SCT: variants seen among roughly 807,000 people sequenced by gnomAD.
SCT encodes secretin.
A neutral mutation model predicts 10.9 loss-of-function variants in SCT; 17 were observed. That is an observed-to-expected ratio of 1.55 (90% CI 1.06 to 2.33). The LOEUF (loss-of-function observed/expected upper bound fraction) is 2.33. Among genes scored for constraint, SCT ranks in the 30% most tolerant of loss-of-function variants. SCT has a pLI of 0.00. For synonymous variants in SCT, 96 were observed against 73.9 expected, an observed-to-expected ratio of 1.30 and a Z score of -1.54; for missense variants, 230 against 165.9, an observed-to-expected ratio of 1.39 and a Z score of -2.12.
chr11:626,802 C>T lies in SCT; in HGVS notation c.174-13G>A. On this transcript the variant is annotated splice_polypyrimidine_tract_variant and intron_variant, in intron 2 of 3. Coordinates refer to ENST00000176195, the MANE Select transcript of SCT (RefSeq NM_021920.4). ...TGCGTCCTGCTCGCTGCCCCCCGCCCCAAAACAGAGTTAGTCCTGGAGCTG... is the reference window on the plus strand; with the variant it reads ...TGCGTCCTGCTCGCTGCCCCCCGCCTCAAAACAGAGTTAGTCCTGGAGCTG... 2.6e-6 allele frequency: 4 copies of T among 1,549,014 alleles called. No individual in the cohort carries two copies. The highest frequency in any genetic ancestry group is 2.6e-6 in the Non-Finnish European group (3 of 1,145,838).
Position 626,986 on chromosome 11 carries a change from G to A in SCT, c.75C>T (p.Ala25=), listed in dbSNP as rs201753953. ...TGAACGTCCCGTCTGAGTGTCGCCG[G>A]GCCCTGCGGGCGGTCGGGGGTCGGG... ...GSAARPAPPR[A]RRHSDGTFTS... is the part of the protein sequence containing the mutation. The change falls in exon 2 of 4, where the codon GCC becomes GCT. Residue 25 remains alanine, a synonymous_variant. Transcript: ENST00000176195. The A allele has an allele frequency of 1.1e-3, 1,601 of 1,524,724 alleles. 9 individuals carry two copies. The highest frequency in any genetic ancestry group is 0.01 in the Middle Eastern group (44 of 4,340). 94.4% of individuals were successfully genotyped at this position (1,524,724 alleles called of 1,614,324 possible).
intron 3 of SCT, 24 bp from the exon 4 acceptor site, chr11:626,554 C>G: frequency 6.5e-7 from 1 of 1,541,686 alleles, no homozygotes; most frequent in Non-Finnish European, 8.8e-7. Flanking sequence ...ACGTGAGGGT[C>G]TGAGGGCTGG....
intron 3 of SCT, 76 bp downstream of exon 3, chr11:626,621 A>AC: frequency 1.4e-6 from 2 of 1,469,426 alleles, no homozygotes; most frequent in Non-Finnish European, 1.9e-6. Context: ...ACCAGCGCTG[A>AC]CCCGGGGAGG....
Position 627,054 on chromosome 11 carries a change from G to A in SCT, c.71+19C>T. 1 of 1,201,362 alleles carries A rather than the reference G, an allele frequency of 8.3e-7. No homozygotes were observed. The highest frequency in any genetic ancestry group is 1.6e-5 in the African/African-American group (1 of 61,952). 74.4% of individuals were successfully genotyped at this position (1,201,362 alleles called of 1,614,324 possible). On this transcript the variant is annotated intron_variant, in intron 1 of 3. Coordinates refer to ENST00000176195, the MANE Select transcript of SCT (RefSeq NM_021920.4). Reference sequence around the variant, plus strand: ...GCGGGTGGGGCCCGGGGGGCGGGCGGGCCTGGCGGGCGGCTCACCTGGGGG... The same window carrying A: ...GCGGGTGGGGCCCGGGGGGCGGGCGAGCCTGGCGGGCGGCTCACCTGGGGG...
chr11:627,047 G>T (rs1025259811), intron 1 of SCT, 26 bp downstream of exon 1: 1 of 1,224,614 alleles, frequency 8.2e-7, no homozygotes, highest in Non-Finnish European at 1.0e-6. Context: ...GGCCCGGGGG[G>T]CGGGCGGGCC....
In SCT at chr11:627,082, G is replaced by T. The variant is rs1165261253; in HGVS notation, c.62C>A (p.Ala21Glu). ...CTGGCGGGCGGCTCACCTGGGGGGCGCGGGGCGCGCGGCGGAGCCCCCGAG... is the reference window on the plus strand; with the variant it reads ...CTGGCGGGCGGCTCACCTGGGGGGCTCGGGGCGCGCGGCGGAGCCCCCGAG... ...LLLGGSAARPAPPRARRHSDG... is the reference protein window; with the variant it reads ...LLLGGSAARPEPPRARRHSDG... The change falls in exon 1 of 4, where the codon GCG becomes GAG. Residue 21 changes from alanine to glutamate, a missense_variant. Ala to Glu is a moderately radical substitution (Grantham distance 107). Coordinates refer to ENST00000176195, the MANE Select transcript of SCT (RefSeq NM_021920.4). 1 of 1,130,140 alleles carries T rather than the reference G, an allele frequency of 8.8e-7. No homozygotes were observed. The highest frequency in any genetic ancestry group is 3.6e-4 in the Middle Eastern group (1 of 2,758). 70.0% of individuals were successfully genotyped at this position (1,130,140 alleles called of 1,614,324 possible).
Position 627,102 on chromosome 11 carries a change from C to G in SCT, c.42G>C (p.Gly14=). The change falls in exon 1 of 4, where the codon GGG becomes GGC. Residue 14 remains glycine, a synonymous_variant. Coordinates refer to ENST00000176195, the MANE Select transcript of SCT (RefSeq NM_021920.4). ...GGGGCGCGGGGCGCGCGGCGGAGCC[C>G]CCGAGGAGCAGCAGCAGCAGCAGGA... ...RPLLLLLLLL[G]GSAARPAPPR... 4 of 1,118,454 alleles carry G rather than the reference C, an allele frequency of 3.6e-6. No homozygotes were observed. The highest frequency in any genetic ancestry group is 4.4e-6 in the Non-Finnish European group (4 of 912,674). The allele number at this position is 1,118,454 out of a possible 1,614,324, so 69.3% of individuals were successfully genotyped here. A position where few individuals can be genotyped will look rare whatever the true frequency, so the allele number is the denominator to read the frequency against.
Position 626,715 on chromosome 11 carries a change from A to G in SCT, c.248T>C (p.Met83Thr). The part of the protein sequence containing the change: ...AGLLCPSGSN[M>T]PILQAWMPLD... Reference sequence around the variant, plus strand: ...TGCTCACCAGGCCTGCAGGATGGGCATGTTGGACCCTGACGGGCAGAGCAG... The same window carrying G: ...TGCTCACCAGGCCTGCAGGATGGGCGTGTTGGACCCTGACGGGCAGAGCAG... The change falls in exon 3 of 4, where the codon ATG (methionine) becomes ACG (threonine). Residue 83 changes from methionine (M) to threonine (T), a missense_variant. Transcript: ENST00000176195. 6.5e-7 allele frequency: 1 copy of G among 1,549,952 alleles called. No individual in the cohort carries two copies. Among genetic ancestry groups the G allele is most frequent in the South Asian group, 1.2e-5 (1 of 84,026 alleles).
Position 627,160 on chromosome 11 carries a change from A to G in SCT, c.-17T>C. ...GGGGGCCATGGCGGGGTCGGGGCGCAGGAGCTGAGCGCTGCGGCCACGGCC... is the reference window on the plus strand; with the variant it reads ...GGGGGCCATGGCGGGGTCGGGGCGCGGGAGCTGAGCGCTGCGGCCACGGCC... On this transcript the variant is annotated 5_prime_UTR_variant, in exon 1 of 4. Coordinates refer to ENST00000176195, the MANE Select transcript of SCT (RefSeq NM_021920.4). 2 of 1,072,968 alleles carry G rather than the reference A, an allele frequency of 1.9e-6. No homozygotes were observed. Among genetic ancestry groups the G allele is most frequent in the East Asian group, 6.3e-5 (1 of 15,954 alleles). 66.5% of individuals were successfully genotyped at this position (1,072,968 alleles called of 1,614,324 possible). A position where few individuals can be genotyped will look rare whatever the true frequency, so the allele number is the denominator to read the frequency against.
At position 626,914 on chromosome 11, in the gene SCT, CAGCCGCTGG is replaced by C. The variant is rs1414064721; in HGVS notation, c.138_146del (p.Gln47_Leu49del). Reference sequence around the variant, plus strand: ...TGCGCTTCCCCACCAGGCCCTGTAGCAGCCGCTGGAGCCGCGCGCCCTCCCGCAGGCGGC... The same window carrying C: ...TGCGCTTCCCCACCAGGCCCTGTAGCAGCCGCGCGCCCTCCCGCAGGCGGC... On this transcript the variant is annotated inframe_deletion, in exon 2 of 4. Transcript: ENST00000176195. The C allele has an allele frequency of 1.4e-5, 22 of 1,539,896 alleles. No individual in the cohort carries two copies. The highest frequency in any genetic ancestry group is 7.9e-5 in the Admixed American group (4 of 50,922).
chr11:626,919 G>C lies in SCT; in HGVS notation c.142C>G (p.Arg48Gly), dbSNP rs988809940. ...SRLREGARLQRLLQGLVGKRS... is the reference protein window; with the variant it reads ...SRLREGARLQGLLQGLVGKRS... ...TTCCCCACCAGGCCCTGTAGCAGCC[G>C]CTGGAGCCGCGCGCCCTCCCGCAGG... Residue 48 changes from arginine (R) to glycine (G), a missense_variant, in exon 2 of 4, where the codon CGG becomes GGG. Arg to Gly is a moderately radical substitution (Grantham distance 125, BLOSUM62 -2). Transcript: ENST00000176195. 8.4e-6 allele frequency: 13 copies of C among 1,538,658 alleles called. No homozygotes were observed. Among genetic ancestry groups the C allele is most frequent in the Non-Finnish European group, 1.1e-5 (13 of 1,146,088 alleles).
chr11:627,008 C>A lies in SCT; in HGVS notation c.72-19G>T. 1.7e-6 allele frequency: 1 copy of A among 586,068 alleles called. No individual in the cohort carries two copies. Among genetic ancestry groups the A allele is most frequent in the Non-Finnish European group, 2.7e-6 (1 of 372,270 alleles). The allele number at this position is 586,068 out of a possible 1,614,324, so 36.3% of individuals were successfully genotyped here. On this transcript the variant is annotated intron_variant, in intron 1 of 3. Transcript: ENST00000176195. ...CCGGGCCCTGCGGGCGGTCGGGGGT[C>A]GGGGTCAGGGCGCACTGGGGGCGGG... is the stretch of plus-strand genomic sequence containing the variant.
In SCT at chr11:626,901, C is replaced by A; in HGVS notation, c.160G>T (p.Val54Leu). 1.3e-6 allele frequency: 2 copies of A among 1,542,228 alleles called. No individual in the cohort carries two copies. Among genetic ancestry groups the A allele is most frequent in the Non-Finnish European group, 1.7e-6 (2 of 1,146,246 alleles). Residue 54 changes from valine to leucine, a missense_variant, in exon 2 of 4, where the codon GTG (valine) becomes TTG (leucine). Coordinates refer to ENST00000176195, the MANE Select transcript of SCT (RefSeq NM_021920.4). ...ACCCGGCCTCACCTGCGCTTCCCCACCAGGCCCTGTAGCAGCCGCTGGAGC... is the reference window on the plus strand; with the variant it reads ...ACCCGGCCTCACCTGCGCTTCCCCAACAGGCCCTGTAGCAGCCGCTGGAGC... Reference protein sequence around the residue: ...ARLQRLLQGLVGKRSEQDAEN... With the variant: ...ARLQRLLQGLLGKRSEQDAEN...
chr11:626,790 CT>C lies in SCT; in HGVS notation c.174-2del. ...CATGCTGTTCTCTGCGTCCTGCTCG[CT>C]GCCCCCCGCCCCAAAACAGAGTTAG... On this transcript the variant is annotated splice_acceptor_variant, in intron 2 of 3. Coordinates refer to ENST00000176195, the MANE Select transcript of SCT (RefSeq NM_021920.4). LOFTEE classifies it high-confidence loss of function. 6.5e-7 allele frequency: 1 copy of C among 1,549,430 alleles called. No homozygotes were observed. The highest frequency in any genetic ancestry group is 8.7e-7 in the Non-Finnish European group (1 of 1,146,078).
intron 1 of SCT, 35 bp downstream of exon 1, chr11:627,038 G>GC (rs565468443): frequency 0.14 from 102,564 of 756,166 alleles, 7,751 homozygotes; most frequent in Non-Finnish European, 0.17. Flanking sequence ...GGCGGGTGGG[G>GC]CCCGGGGGGC....
rs1219868363 is a variant in SCT at position 626,546 on chromosome 11, G to C, written c.267-16C>G. On this transcript the variant is annotated splice_polypyrimidine_tract_variant and intron_variant, in intron 3 of 3. Transcript: ENST00000176195. Reference sequence around the variant, plus strand: ...CAGGGGCATCCTGCAGAGACAGCACGTGAGGGTCTGAGGGCTGGGGCTGGA... The same window carrying C: ...CAGGGGCATCCTGCAGAGACAGCACCTGAGGGTCTGAGGGCTGGGGCTGGA... 2.6e-6 allele frequency: 4 copies of C among 1,546,418 alleles called. No homozygotes were observed. The highest frequency in any genetic ancestry group is 1.8e-6 in the Non-Finnish European group (2 of 1,142,192).
Position 626,470 on chromosome 11 carries a change from T to C in SCT, c.327A>G (p.Pro109=). Reference sequence around the variant, plus strand: ...AGGTTCCTTCTGCAGCAGCGCCAGCTGGTTCTGAAACCATAGGCCCAGGGG... The same window carrying C: ...AGGTTCCTTCTGCAGCAGCGCCAGCCGGTTCTGAAACCATAGGCCCAGGGG... ...WLPPGPMVSE[P]AGAAAEGTLR... Residue 109 remains proline (P), a synonymous_variant, in exon 4 of 4, where the codon CCA becomes CCG. Coordinates refer to ENST00000176195, the MANE Select transcript of SCT (RefSeq NM_021920.4). 6.4e-7 allele frequency: 1 copy of C among 1,558,190 alleles called. No homozygotes were observed. The highest frequency in any genetic ancestry group is 1.2e-5 in the South Asian group (1 of 84,464).
rs751072786 is a variant in SCT, at chr11:626,765, C to T, written c.198G>A (p.Met66Ile). 7 of 1,550,556 alleles carry T rather than the reference C, an allele frequency of 4.5e-6. No individual in the cohort carries two copies. Among genetic ancestry groups the T allele is most frequent in the Non-Finnish European group, 6.1e-6 (7 of 1,146,768 alleles). ...GACCCGCGCTGAGCCTGGTCCAGGCCATGCTGTTCTCTGCGTCCTGCTCGC... is the reference window on the plus strand; with the variant it reads ...GACCCGCGCTGAGCCTGGTCCAGGCTATGCTGTTCTCTGCGTCCTGCTCGC... ...KRSEQDAENSMAWTRLSAGLL... is the reference protein window; with the variant it reads ...KRSEQDAENSIAWTRLSAGLL... Residue 66 changes from methionine to isoleucine, a missense_variant, in exon 3 of 4, where the codon ATG becomes ATA. By Grantham distance (10) the Met-to-Ile change is conservative. Coordinates refer to ENST00000176195, the MANE Select transcript of SCT (RefSeq NM_021920.4).
Position 626,764 on chromosome 11 carries a change from C to T in SCT, c.199G>A (p.Ala67Thr). 4 of 1,550,498 alleles carry T rather than the reference C, an allele frequency of 2.6e-6. No homozygotes were observed. The highest frequency in any genetic ancestry group is 1.7e-4 in the Middle Eastern group (1 of 5,980). ...AGACCCGCGCTGAGCCTGGTCCAGG[C>T]CATGCTGTTCTCTGCGTCCTGCTCG... Reference protein sequence around the residue: ...RSEQDAENSMAWTRLSAGLLC... With the variant: ...RSEQDAENSMTWTRLSAGLLC... The change falls in exon 3 of 4, where the codon GCC becomes ACC. Residue 67 changes from alanine to threonine, a missense_variant. Transcript: ENST00000176195.
Sources: allele counts gnomAD v4.1 joint callset, GRCh38; gene constraint gnomAD v4.1.1; transcripts MANE v1.5; gene names NCBI Gene and HGNC (gene_info 2026-07-23, HGNC 2026-07-21).